The following JMY variants were observed in gnomAD, a reference collection of about 807,000 sequenced individuals.
The protein encoded by JMY is junction-mediating and -regulatory protein.
In JMY, 46 loss-of-function variants were observed where a neutral mutation model predicts 103.3. The observed-to-expected ratio is 0.45, with a 90% CI of 0.35 to 0.57. The LOEUF is 0.57. JMY is among the 20% of genes least tolerant of loss of function. JMY has a pLI of 0.00. For synonymous variants in JMY, 526 were observed against 489.3 expected (o/e 1.07, Z -0.99); for missense variants, 1,238 against 1,255.2 (o/e 0.99, Z 0.21).
chr5:79,294,858 C>CA (rs369580669), intron 4 of JMY, among the ~76,000 whole-genome samples: 1,888 of 111,088 alleles, frequency 0.017, 16 homozygotes, highest in African/African-American at 0.028. Context: ...AACTCTGTCT[C>CA]AAAAAAAAAA....
At chr5:79,280,791 A>G (rs1345646616) in intron 2 of JMY, among the ~76,000 whole-genome samples, 1 of 152,186 alleles carries the variant, frequency 6.6e-6, no homozygotes, top group East Asian at 1.9e-4. Flanking sequence ...GTACTTGTTC[A>G]CAGCTAATTT....
At chr5:79,264,902 T>G (rs1411327472) in intron 1 of JMY, among the ~76,000 whole-genome samples, 1 of 152,004 alleles carries the variant, frequency 6.6e-6, no homozygotes, top group African/African-American at 2.4e-5. Flanking sequence ...GAAAAGTTAT[T>G]TTATTTTATT....
At chr5:79,315,971 G>C in intron 9 of JMY, 29 bp from the exon 10 acceptor site, 1 of 1,598,762 alleles carries the variant, frequency 6.3e-7, no homozygotes, top group Non-Finnish European at 8.6e-7. Flanking sequence ...AGTCCTAACT[G>C]TAATACTGTT....
Position 79,236,614 on chromosome 5 carries a change from C to G in JMY, c.-37C>G, listed in dbSNP as rs1266869568. ...CGGGGAGTCCTCGGGCGGGCCGGGC[C>G]GGCGGCCCTTCCCCGCGGCGAGAAG... On this transcript the variant is annotated 5_prime_UTR_variant, in exon 1 of 11. Transcript: ENST00000396137. 3 of 1,348,448 alleles carry G rather than the reference C, an allele frequency of 2.2e-6. No individual in the cohort carries two copies. The highest frequency in any genetic ancestry group is 2.9e-6 in the Non-Finnish European group (3 of 1,037,564). The allele number at this position is 1,348,448 out of a possible 1,614,324, so 83.5% of individuals were successfully genotyped here. A position where few individuals can be genotyped will look rare whatever the true frequency, so the allele number is the denominator to read the frequency against.
At chr5:79,298,754 C>T (rs1444614955) in intron 4 of JMY, among the ~76,000 whole-genome samples, 2 of 152,168 alleles carry the variant, frequency 1.3e-5, no homozygotes, top group African/African-American at 4.8e-5. Context: ...TAGACTGGAG[C>T]CTAACCATTG....
chr5:79,298,611 C>G lies in JMY; in HGVS notation c.1528-1542C>G, dbSNP rs561234461. Among the ~76,000 whole-genome samples, 10 of 152,294 alleles carry G rather than the reference C, an allele frequency of 6.6e-5. No individual in the cohort carries two copies. The South Asian group carries it at 2.1e-3, about 32-fold the overall frequency. On this transcript the variant is annotated intron_variant, in intron 4 of 10. Transcript: ENST00000396137. ...TTGTTTGTCACCCATAAAATATTTCCTAACACAGCGGGATCACTCACAGTC... is the reference window on the plus strand; with the variant it reads ...TTGTTTGTCACCCATAAAATATTTCGTAACACAGCGGGATCACTCACAGTC...
rs148556092 is a variant in JMY, at chr5:79,261,018, G to T, written c.1033-16892G>T. On this transcript the variant is annotated intron_variant, in intron 1 of 10. Transcript: ENST00000396137. ...GCATGTTTTAATAATTAATGGTAAA[G>T]ATATTACTTATAGATTTTGTGAAAG... 7.9e-5 allele frequency among the ~76,000 whole-genome samples: 12 copies of T among 152,172 alleles called. No individual in the cohort carries two copies. The East Asian group carries it at 2.1e-3, about 27-fold the overall frequency.
At chr5:79,252,769 C>G (rs917600607) in intron 1 of JMY, among the ~76,000 whole-genome samples, 2 of 152,126 alleles carry the variant, frequency 1.3e-5, no homozygotes, top group African/African-American at 4.8e-5. Context: ...TATAGCTATT[C>G]CTGCTTTGTT....
chr5:79,302,395 A>G (rs1038023934), intron 6 of JMY, among the ~76,000 whole-genome samples: 1 of 152,290 alleles, frequency 6.6e-6, no homozygotes, highest in Admixed American at 6.5e-5. Flanking sequence ...TGCTCCTCCT[A>G]GTCTTTTAGA....
intron 4 of JMY, 123 bp downstream of exon 4, chr5:79,291,422 C>T: frequency 1.4e-6 from 1 of 740,142 alleles, no homozygotes; most frequent in Middle Eastern, 3.2e-4. Flanking sequence ...GAGATGAAAA[C>T]ACTTAGAATA....
In JMY at chr5:79,236,702, C is replaced by A. The variant is rs1366209142; in HGVS notation, c.52C>A (p.Pro18Thr). ...TLESDWVAVR[P>T]HVFDEREKHK... ...CGAGTCGGACTGGGTGGCTGTGCGG[C>A]CCCATGTGTTCGACGAGCGCGAGAA... Residue 18 changes from proline (P) to threonine (T), a missense_variant, in exon 1 of 11, where the codon CCC becomes ACC. Pro to Thr is a conservative substitution (Grantham distance 38). Coordinates refer to ENST00000396137, the MANE Select transcript of JMY (RefSeq NM_152405.5). 6.7e-6 allele frequency: 10 copies of A among 1,499,518 alleles called. No individual in the cohort carries two copies. The highest frequency in any genetic ancestry group is 1.3e-5 in the South Asian group (1 of 78,402). The allele number at this position is 1,499,518 out of a possible 1,614,324, so 92.9% of individuals were successfully genotyped here.
chr5:79,311,428 G>A (rs920146376), intron 7 of JMY, among the ~76,000 whole-genome samples: 1 of 152,100 alleles, frequency 6.6e-6, no homozygotes, highest in Non-Finnish European at 1.5e-5. Context: ...AAGCTGGTGG[G>A]GAAGAGGAGA....
At chr5:79,317,744 GC>G (rs1435092954) in intron 10 of JMY, among the ~76,000 whole-genome samples, 1 of 152,112 alleles carries the variant, frequency 6.6e-6, no homozygotes, top group African/African-American at 2.4e-5. Context: ...TGTTGCTCAG[GC>G]TGGAGTGCAG....
At chr5:79,284,976 A>C in intron 2 of JMY, 1 of 1,109,090 alleles carries the variant, frequency 9.0e-7, no homozygotes, top group Non-Finnish European at 1.3e-6. Context: ...AATGAAGTTG[A>C]AACTAGACGA....
intron 4 of JMY, among the ~76,000 whole-genome samples, chr5:79,295,220 C>T (rs954854929): frequency 6.6e-6 from 1 of 152,174 alleles, no homozygotes; most frequent in African/African-American, 2.4e-5. Context: ...GGGTAGTTTT[C>T]AGCCATATGT....
chr5:79,303,496 A>G (rs2112109994), intron 6 of JMY, among the ~76,000 whole-genome samples: 1 of 152,336 alleles, frequency 6.6e-6, no homozygotes, highest in South Asian at 2.1e-4. Context: ...TTTGTAATTC[A>G]GGAAGCAAAA....
At chr5:79,259,806 G>A (rs1239138902) in intron 1 of JMY, among the ~76,000 whole-genome samples, 1 of 152,232 alleles carries the variant, frequency 6.6e-6, no homozygotes, top group Non-Finnish European at 1.5e-5. Context: ...ACACCTCCGA[G>A]CCTGCAGGGG....
intron 2 of JMY, among the ~76,000 whole-genome samples, chr5:79,289,229 C>T (rs1186992749): frequency 3.4e-4 from 46 of 137,294 alleles, no homozygotes; most frequent in South Asian, 1.9e-3. Flanking sequence ...AGCGAGACGC[C>T]GTCTCAAAAA....
rs1289107599 is a variant in JMY, at chr5:79,322,404, TTTG to T, written c.*805_*807del. On this transcript the variant is annotated 3_prime_UTR_variant, in exon 11 of 11. Coordinates refer to ENST00000396137, the MANE Select transcript of JMY (RefSeq NM_152405.5). ...TGATAATATTTCAAATTATTTTTAT[TTTG>T]TTTGAATTATTGCTTGATTGCTATG... 6.6e-6 allele frequency: 1 copy of T among 152,244 alleles called. No individual in the cohort carries two copies. Among genetic ancestry groups the T allele is most frequent in the Non-Finnish European group, 1.5e-5 (1 of 68,042 alleles). 9.4% of individuals were successfully genotyped at this position (152,244 alleles called of 1,614,324 possible). A position where few individuals can be genotyped will look rare whatever the true frequency, so the allele number is the denominator to read the frequency against.
Sources: allele counts gnomAD v4.1 joint callset (sites outside exome capture counted in the v4.1 genomes callset), GRCh38; gene constraint gnomAD v4.1.1; transcripts MANE v1.5; gene names NCBI Gene and HGNC (gene_info 2026-07-23, HGNC 2026-07-21).